The following BBOF1 variants were observed in gnomAD, a reference collection of about 807,000 sequenced individuals.
BBOF1 encodes the protein basal body orientation factor 1.
Under a neutral mutation model 68.0 loss-of-function variants are expected in BBOF1, and 62 were observed. The ratio of observed to expected loss-of-function variants is 0.91; its 90% CI spans 0.74 to 1.13. The LOEUF (loss-of-function observed/expected upper bound fraction) is 1.13, where lower values mean the gene tolerates loss of function less well. BBOF1 is among the 50% of genes most tolerant of loss of function. The pLI is 0.00. For synonymous variants in BBOF1, 208 were observed against 198.8 expected, an observed-to-expected ratio of 1.05 and a Z score of -0.39; for missense variants, 534 against 600.1, an observed-to-expected ratio of 0.89 and a Z score of 1.15.
At chr14:74,038,905 A>G (rs148628334) in intron 4 of BBOF1, among the ~76,000 whole-genome samples, 74 of 152,282 alleles carry the variant, frequency 4.9e-4, no homozygotes, top group African/African-American at 1.8e-3. Flanking sequence ...AAAGAAAAAA[A>G]GAAGAAAGAA....
chr14:74,050,200 T>C lies in BBOF1; in HGVS notation c.1286+5T>C. 1.3e-6 allele frequency: 2 copies of C among 1,522,276 alleles called. No individual in the cohort carries two copies. The highest frequency in any genetic ancestry group is 1.8e-6 in the Non-Finnish European group (2 of 1,137,392). 94.3% of individuals were successfully genotyped at this position (1,522,276 alleles called of 1,614,324 possible). A position where few individuals can be genotyped will look rare whatever the true frequency, so the allele number is the denominator to read the frequency against. On this transcript the variant is annotated splice_donor_5th_base_variant and intron_variant, in intron 8 of 11. Coordinates refer to ENST00000394009, the MANE Select transcript of BBOF1 (RefSeq NM_025057.3). ...TCTTCTGGAGGCCGAAAAATGGTAC[T>C]AGCAATACTTTATTATTATCTTTTT...
At chr14:74,061,924 G>A (rs899195305) in intron 11 of BBOF1, among the ~76,000 whole-genome samples, 3 of 151,796 alleles carry the variant, frequency 2.0e-5, no homozygotes, top group Non-Finnish European at 2.9e-5. Flanking sequence ...AAACTGGGGG[G>A]TGCAGCCAGG....
intron 2 of BBOF1, among the ~76,000 whole-genome samples, chr14:74,024,141 G>T (rs2059371192): frequency 6.6e-6 from 1 of 152,096 alleles, no homozygotes; most frequent in Non-Finnish European, 1.5e-5. Flanking sequence ...CTTGCCCAAA[G>T]TCACACCCCT....
At chr14:74,061,045 T>A (rs1352930222) in intron 11 of BBOF1, among the ~76,000 whole-genome samples, 1 of 152,118 alleles carries the variant, frequency 6.6e-6, no homozygotes, top group Non-Finnish European at 1.5e-5. Context: ...TGGCATGATC[T>A]CAGCTCACTG....
At chr14:74,044,513 A>G (rs1301028834) in intron 5 of BBOF1, among the ~76,000 whole-genome samples, 4 of 140,598 alleles carry the variant, frequency 2.8e-5, no homozygotes, top group East Asian at 2.3e-4. Flanking sequence ...CCCAGGCTGG[A>G]GTGCAGTGGC....
chr14:74,082,670 G>A (rs527673232), intron 12 of BBOF1: 1 of 152,252 alleles, frequency 6.6e-6, no homozygotes, highest in East Asian at 1.9e-4. Context: ...AAAGTGCAGG[G>A]ATTACAGGCA....
At chr14:74,056,198 AT>A (rs34594924) in intron 9 of BBOF1, among the ~76,000 whole-genome samples, 144 of 123,926 alleles carry the variant, frequency 1.2e-3, no homozygotes, top group South Asian at 1.4e-3. Flanking sequence ...CGCCCGGCTA[AT>A]TTTTTTTTTT....
At chr14:74,067,615 C>T (rs776066606), downstream of BBOF1, 1 of 1,596,812 alleles carries the variant, frequency 6.3e-7, no homozygotes, top group South Asian at 1.1e-5. Flanking sequence ...TGGCCAAATA[C>T]AACTAAGCTA....
rs985498745 is a variant in BBOF1, at chr14:74,065,970, C to T, written c.*1271C>T. 1 of 156,314 alleles carries T rather than the reference C, an allele frequency of 6.4e-6. No homozygotes were observed. The highest frequency in any genetic ancestry group is 1.4e-5 in the Non-Finnish European group (1 of 70,300). The allele number at this position is 156,314 out of a possible 1,614,324, so 9.7% of individuals were successfully genotyped here. ...ATTTCTACTGCACTTACATTCAACA[C>T]TTGATGATTCACTATTATAGTAAGG... On this transcript the variant is annotated 3_prime_UTR_variant, in exon 12 of 12. Coordinates refer to ENST00000394009, the MANE Select transcript of BBOF1 (RefSeq NM_025057.3).
chr14:74,031,045 T>A (rs781191994), intron 3 of BBOF1, among the ~76,000 whole-genome samples: 31 of 151,680 alleles, frequency 2.0e-4, no homozygotes, highest in Non-Finnish European at 3.5e-4. Flanking sequence ...TGCACCTGCT[T>A]TTTTTATTTA....
chr14:74,072,600 C>A (rs760359605), intron 9 of BBOF1: 1 of 1,613,624 alleles, frequency 6.2e-7, no homozygotes, highest in Admixed American at 1.7e-5. Context: ...CAATGAAGAG[C>A]TTTACAGTTG....
At chr14:74,023,617 T>C (rs1170432682) in intron 2 of BBOF1, among the ~76,000 whole-genome samples, 2 of 152,036 alleles carry the variant, frequency 1.3e-5, no homozygotes, top group African/African-American at 4.8e-5. Context: ...TCATTTTATA[T>C]TTGGAAGAAA....
chr14:74,060,010 A>C (rs1334245312), intron 11 of BBOF1: 1 of 154,508 alleles, frequency 6.5e-6, no homozygotes, highest in Non-Finnish European at 1.4e-5. Context: ...GGCTAAAGAA[A>C]ACTTTGCAGG....
At chr14:74,035,584 A>ATTTT (rs71460945) in intron 4 of BBOF1, among the ~76,000 whole-genome samples, 3,301 of 81,314 alleles carry the variant, frequency 0.041, 286 homozygotes, top group East Asian at 0.16. Flanking sequence ...CCCCCAGCTA[A>ATTTT]TTTTTTTTTT....
Position 74,065,505 on chromosome 14 carries a change from T to A in BBOF1, c.*806T>A. 8.8e-6 allele frequency: 7 copies of A among 795,538 alleles called. No individual in the cohort carries two copies. Among genetic ancestry groups the A allele is most frequent in the African/African-American group, 3.5e-5 (2 of 56,988 alleles). The allele number at this position is 795,538 out of a possible 1,614,324, so 49.3% of individuals were successfully genotyped here. On this transcript the variant is annotated 3_prime_UTR_variant, in exon 12 of 12. Transcript: ENST00000394009. ...CTCTTTTCATTTCAAATCACCTATT[T>A]AAAAAAAAAGTCCTCTCTCAAGTGT...
intron 11 of BBOF1, chr14:74,060,687 AG>A: frequency 6.2e-7 from 1 of 1,614,070 alleles, no homozygotes; most frequent in Non-Finnish European, 8.5e-7. Flanking sequence ...AGGAAAGAGT[AG>A]CATCTTCTTC....
At chr14:74,066,627 T>G (rs1595117795), downstream of BBOF1, 2 of 1,373,306 alleles carry the variant, frequency 1.5e-6, no homozygotes, top group East Asian at 2.3e-5. Context: ...GTATTTTCAT[T>G]AATAAATTAG....
chr14:74,074,976 T>C (rs763029602), intron 9 of BBOF1: 5 of 1,614,110 alleles, frequency 3.1e-6, no homozygotes, highest in South Asian at 1.1e-5. Flanking sequence ...AGAAGGAAGA[T>C]GCTGAATACC....
chr14:74,063,272 C>T (rs1220610942), intron 11 of BBOF1, among the ~76,000 whole-genome samples: 13 of 151,904 alleles, frequency 8.6e-5, no homozygotes, highest in Admixed American at 1.3e-4. Flanking sequence ...CTGCAACTTC[C>T]GCCTCCCAGA....
Sources: allele counts gnomAD v4.1 joint callset (sites outside exome capture counted in the v4.1 genomes callset), GRCh38; gene constraint gnomAD v4.1.1; transcripts MANE v1.5; gene names NCBI Gene and HGNC (gene_info 2026-07-23, HGNC 2026-07-21).